Variants in PISD observed in about 807,000 individuals in gnomAD.
PISD encodes phosphatidylserine decarboxylase, also known as phosphatidylserine decarboxylase proenzyme, mitochondrial.
A neutral mutation model predicts 43.5 loss-of-function variants in PISD; 31 were observed. That is an observed-to-expected ratio of 0.71 (90% CI 0.54 to 0.96). The LOEUF is 0.96. Ranked by LOEUF, PISD falls within the 40% of genes least tolerant of loss-of-function variation. The pLI, the probability that PISD is intolerant of heterozygous loss-of-function variation, is 0.00. For synonymous variants in PISD, 259 were observed against 228.7 expected (o/e 1.13, Z -1.20); for missense variants, 523 against 548.4 (o/e 0.95, Z 0.46).
chr22:31,658,467 T>C (rs1222480728), intron 1 of PISD, among the ~76,000 whole-genome samples: 1 of 152,232 alleles, frequency 6.6e-6, no homozygotes, highest in Non-Finnish European at 1.5e-5. Context: ...TGACATACAC[T>C]GAGATGGTCA....
At chr22:31,660,686 A>C (rs901700089) in intron 1 of PISD, among the ~76,000 whole-genome samples, 3 of 151,984 alleles carry the variant, frequency 2.0e-5, no homozygotes, top group Non-Finnish European at 4.4e-5. Flanking sequence ...ACAAAAAACA[A>C]TTTTTTAAGA....
chr22:31,627,263 A>G (rs1312809495), intron 3 of PISD, among the ~76,000 whole-genome samples: 1 of 152,220 alleles, frequency 6.6e-6, no homozygotes, highest in African/African-American at 2.4e-5. Context: ...TGGGTCAGGC[A>G]GGAGGGCGCC....
intron 3 of PISD, chr22:31,626,078 G>A (rs1320382428): frequency 2.9e-6 from 4 of 1,394,438 alleles, no homozygotes; most frequent in East Asian, 2.6e-5. Flanking sequence ...AGGGCTTGCA[G>A]TCCAGTGCAA....
At chr22:31,621,234 C>A in intron 5 of PISD, 92 bp from the exon 6 acceptor site, 1 of 1,608,648 alleles carries the variant, frequency 6.2e-7, no homozygotes, top group Admixed American at 1.7e-5. Flanking sequence ...CTCAGGGAGG[C>A]CCCACATGCC....
intron 3 of PISD, among the ~76,000 whole-genome samples, chr22:31,639,652 TTA>T (rs142373474): frequency 0.055 from 8,439 of 152,300 alleles, 445 homozygotes; most frequent in Admixed American, 0.13. Flanking sequence ...ATGATTTTTT[TTA>T]TGACTTTTGG....
At chr22:31,640,592 T>TTC (rs2073671818) in intron 3 of PISD, among the ~76,000 whole-genome samples, 3 of 142,448 alleles carry the variant, frequency 2.1e-5, no homozygotes. Flanking sequence ...TTTTTTTTTT[T>TTC]TTTTTTGAGA....
intron 3 of PISD, among the ~76,000 whole-genome samples, chr22:31,624,079 C>T (rs1368197147): frequency 1.3e-5 from 2 of 152,222 alleles, no homozygotes; most frequent in Non-Finnish European, 2.9e-5. Context: ...ATTTCCCAGG[C>T]TCTCCCACCC....
chr22:31,626,599 A>G (rs965336496), intron 3 of PISD, among the ~76,000 whole-genome samples: 2 of 152,150 alleles, frequency 1.3e-5, no homozygotes, highest in Non-Finnish European at 2.9e-5. Context: ...CATGTGGGGA[A>G]AACCAGCCTG....
At chr22:31,627,173 C>T (rs1368559781) in intron 3 of PISD, among the ~76,000 whole-genome samples, 4 of 152,226 alleles carry the variant, frequency 2.6e-5, no homozygotes, top group South Asian at 4.1e-4. Context: ...CAGACACAAG[C>T]GTGGATTTCT....
At chr22:31,640,582 T>TG (rs1055244169) in intron 3 of PISD, among the ~76,000 whole-genome samples, 2 of 135,590 alleles carry the variant, frequency 1.5e-5, no homozygotes, top group African/African-American at 5.5e-5. Context: ...GTTGTTTTTT[T>TG]TTTTTTTTTT....
At chr22:31,653,157 C>T (rs549690206) in intron 1 of PISD, among the ~76,000 whole-genome samples, 1 of 151,862 alleles carries the variant, frequency 6.6e-6, no homozygotes, top group East Asian at 1.9e-4. Flanking sequence ...CCATGACGAG[C>T]ACCACCCCCA....
intron 1 of PISD, among the ~76,000 whole-genome samples, chr22:31,652,513 A>G (rs1217094604): frequency 6.6e-6 from 1 of 151,776 alleles, no homozygotes; most frequent in African/African-American, 2.4e-5. Flanking sequence ...TCCTTGCCTT[A>G]CAAACACCTG....
Position 31,621,404 on chromosome 22 carries a change from C to T in PISD, c.627G>A (p.Lys209=), listed in dbSNP as rs746558458. Residue 209 remains lysine, a synonymous_variant, in exon 5 of 8, where the codon AAG becomes AAA. Coordinates refer to ENST00000439502, the MANE Select transcript of PISD (RefSeq NM_001326411.2). ...ACGACTCCAGGGAGTAGGTGACCCC[C>T]TTTACCTGCTCCACCTCACAGTTCT... The part of the protein sequence containing the change: ...QVKNCEVEQV[K]GVTYSLESFL... The T allele has an allele frequency of 1.2e-6, 2 of 1,614,158 alleles. No individual in the cohort carries two copies. Among genetic ancestry groups the T allele is most frequent in the South Asian group, 1.1e-5 (1 of 91,090 alleles).
chr22:31,660,363 T>A (rs2147827509), intron 1 of PISD, among the ~76,000 whole-genome samples: 1 of 152,278 alleles, frequency 6.6e-6, no homozygotes, highest in African/African-American at 2.4e-5. Flanking sequence ...TTTAAAAAAA[T>A]TATTTTAGGT....
At chr22:31,644,058 A>C (rs1263360270) in intron 3 of PISD, among the ~76,000 whole-genome samples, 1 of 150,898 alleles carries the variant, frequency 6.6e-6, no homozygotes. Flanking sequence ...AAAAAAAAAA[A>C]CAAAAACAAA....
chr22:31,650,200 G>A lies in PISD; in HGVS notation c.145+499C>T, dbSNP rs535102561. On this transcript the variant is annotated intron_variant, in intron 2 of 7. Transcript: ENST00000439502. ...ATAATCAAAAAGACATAATGAGGCC[G>A]GGCACGGTGGCTCAGGCCTGTAATG... Among the ~76,000 whole-genome samples the A allele has an allele frequency of 3.0e-4, 45 of 152,214 alleles. No homozygotes were observed. In the South Asian group the frequency reaches 7.7e-3, roughly 26 times the overall value.
intron 3 of PISD, among the ~76,000 whole-genome samples, chr22:31,640,053 A>AGGCCAC (rs2073644057): frequency 6.6e-6 from 1 of 152,134 alleles, no homozygotes; most frequent in Non-Finnish European, 1.5e-5. Context: ...TCAGGGACTC[A>AGGCCAC]AGGGAATAGC....
rs2072350697 is a variant in PISD at position 31,619,430 on chromosome 22, C to T, written c.*182G>A. The T allele has an allele frequency of 7.3e-6, 5 of 686,304 alleles. No individual in the cohort carries two copies. Among genetic ancestry groups the T allele is most frequent in the Admixed American group, 4.1e-5 (2 of 49,376 alleles). The allele number at this position is 686,304 out of a possible 1,614,324, so 42.5% of individuals were successfully genotyped here. On this transcript the variant is annotated 3_prime_UTR_variant, in exon 8 of 8. Coordinates refer to ENST00000439502, the MANE Select transcript of PISD (RefSeq NM_001326411.2). ...GGTTGAGGGGCATGATGGGGGCTCT[C>T]GCCACCTCTTGTCTGCACCTCTGGA... is the stretch of plus-strand genomic sequence containing the variant.
intron 6 of PISD, 24 bp downstream of exon 6, chr22:31,620,972 C>A (rs765165531): frequency 6.3e-7 from 1 of 1,596,810 alleles, no homozygotes; most frequent in African/African-American, 1.4e-5. Context: ...GAGGCAGCTC[C>A]CCCCACGCTG....
Sources: gnomAD v4.1 joint callset for allele counts (sites outside exome capture counted in the v4.1 genomes callset) on GRCh38, gnomAD v4.1.1 for gene constraint, MANE v1.5 for transcripts, NCBI Gene and HGNC (gene_info 2026-07-23, HGNC 2026-07-21) for gene names.